Variants in PHACTR1 observed in about 807,000 individuals in gnomAD.
PHACTR1 encodes the protein RPEL repeat containing 1.
Under a neutral mutation model 69.2 loss-of-function variants are expected in PHACTR1, and 16 were observed. That is an observed-to-expected ratio of 0.23 (90% CI 0.16 to 0.35). PHACTR1 has a LOEUF of 0.35. Ranked by LOEUF, PHACTR1 falls within the 10% of genes least tolerant of loss-of-function variation. The pLI, the probability that PHACTR1 is intolerant of heterozygous loss-of-function variation, is 1.00. For missense variants in PHACTR1, 510 were observed against 734.7 expected, an observed-to-expected ratio of 0.69 and a Z score of 3.54; for synonymous variants, 312 against 284.5, an observed-to-expected ratio of 1.10 and a Z score of -0.97.
chr6:13,156,860 A>G (rs1025982931), intron 5 of PHACTR1, among the ~76,000 whole-genome samples: 9 of 152,024 alleles, frequency 5.9e-5, no homozygotes, highest in African/African-American at 1.9e-4. Flanking sequence ...TTGTGTCTAC[A>G]TTGCCACCTT....
At chr6:13,007,890 A>G (rs959285631) in intron 4 of PHACTR1, among the ~76,000 whole-genome samples, 6 of 152,166 alleles carry the variant, frequency 3.9e-5, no homozygotes, top group Admixed American at 3.9e-4. Context: ...TTCATAGAAT[A>G]ATTTTCACAG....
chr6:12,808,970 C>T lies in PHACTR1; in HGVS notation c.250+59180C>T, dbSNP rs539912207. On this transcript the variant is annotated intron_variant, in intron 4 of 14. Coordinates refer to ENST00000332995, the MANE Select transcript of PHACTR1 (RefSeq NM_030948.6). ...TTGGCTCACTGCAACCTTCACTTCC[C>T]GGGCTCAAGTGATCCTCCCACTTCA... Among the ~76,000 whole-genome samples the T allele has an allele frequency of 3.3e-5, 5 of 152,088 alleles. No individual in the cohort carries two copies. In the South Asian group the frequency reaches 6.2e-4, roughly 19 times the overall value.
chr6:12,949,773 A>G (rs1582652800), intron 4 of PHACTR1, among the ~76,000 whole-genome samples: 2 of 152,236 alleles, frequency 1.3e-5, no homozygotes, highest in East Asian at 1.9e-4. Context: ...GTGGTTTGAA[A>G]AAAAATCACG....
At chr6:12,957,274 A>T in intron 4 of PHACTR1, 2 of 795,466 alleles carry the variant, frequency 2.5e-6, no homozygotes, top group Non-Finnish European at 3.0e-6. Flanking sequence ...AAAAAAAAAA[A>T]AGCCCAGGCT....
intron 10 of PHACTR1, among the ~76,000 whole-genome samples, chr6:13,252,093 A>C (rs1165456914): frequency 1.3e-5 from 2 of 150,638 alleles, no homozygotes; most frequent in Admixed American, 1.3e-4. Context: ...AAAGGCCAGG[A>C]GGCACGGTGA....
chr6:12,831,665 C>T (rs943458633), intron 4 of PHACTR1, among the ~76,000 whole-genome samples: 1 of 152,132 alleles, frequency 6.6e-6, no homozygotes, highest in Non-Finnish European at 1.5e-5. Context: ...CCTTGACTGA[C>T]ACAACAAGAA....
intron 3 of PHACTR1, among the ~76,000 whole-genome samples, chr6:12,730,066 T>A (rs1763299382): frequency 6.6e-6 from 1 of 152,200 alleles, no homozygotes; most frequent in South Asian, 2.1e-4. Flanking sequence ...CAGCCAAGCC[T>A]AGATTATCAG....
chr6:12,872,932 T>G (rs1024292525), intron 4 of PHACTR1, among the ~76,000 whole-genome samples: 2 of 152,136 alleles, frequency 1.3e-5, no homozygotes, highest in African/African-American at 4.8e-5. Context: ...CTTCTTTCTT[T>G]CTTTTCTTTC....
chr6:12,858,236 A>G (rs1342405389), intron 4 of PHACTR1, among the ~76,000 whole-genome samples: 1 of 152,196 alleles, frequency 6.6e-6, no homozygotes, highest in Non-Finnish European at 1.5e-5. Flanking sequence ...CTTTATTGTT[A>G]GAGGCACAGA....
chr6:12,905,743 A>T lies in PHACTR1; in HGVS notation c.251-147622A>T, dbSNP rs533870663. On this transcript the variant is annotated intron_variant, in intron 4 of 14. Transcript: ENST00000332995. ...TATTTGCCAGTTTCATGTAACAACC[A>T]TAAATTCATATTGCTTTATATTTAA... Among the ~76,000 whole-genome samples, 6 of 152,336 alleles carry T rather than the reference A, an allele frequency of 3.9e-5. No individual in the cohort carries two copies. In the East Asian group the frequency reaches 1.2e-3, roughly 29 times the overall value.
intron 4 of PHACTR1, among the ~76,000 whole-genome samples, chr6:13,017,093 G>T (rs529196135): frequency 3.6e-4 from 55 of 150,874 alleles, no homozygotes; most frequent in African/African-American, 1.3e-3. Context: ...GGCTGAGGCA[G>T]GAGAATTGCT....
chr6:13,277,507 A>G (rs1238832666), intron 11 of PHACTR1, among the ~76,000 whole-genome samples: 1 of 152,128 alleles, frequency 6.6e-6, no homozygotes, highest in Non-Finnish European at 1.5e-5. Flanking sequence ...CTCTACACCC[A>G]CAGGGCACCA....
chr6:13,000,801 C>G (rs1798016943), intron 4 of PHACTR1, among the ~76,000 whole-genome samples: 1 of 152,210 alleles, frequency 6.6e-6, no homozygotes, highest in South Asian at 2.1e-4. Flanking sequence ...AGCAAGCTCT[C>G]ACTTCAATCT....
chr6:13,283,614 T>C lies in PHACTR1; in HGVS notation c.1650+52T>C. Reference sequence around the variant, plus strand: ...GGGAGGCAGGACCGTCTGCTGGGTCTCGCTGGGCTCACCGCTGGGGAGCGT... The same window carrying C: ...GGGAGGCAGGACCGTCTGCTGGGTCCCGCTGGGCTCACCGCTGGGGAGCGT... On this transcript the variant is annotated intron_variant, in intron 13 of 14. Coordinates refer to ENST00000332995, the MANE Select transcript of PHACTR1 (RefSeq NM_030948.6). This position sits in a 1 kb window ranked among gnomAD's most constrained non-coding sequence, Gnocchi z 4.7. The C allele has an allele frequency of 6.2e-7, 1 of 1,612,802 alleles. No homozygotes were observed. The highest frequency in any genetic ancestry group is 1.7e-5 in the Admixed American group (1 of 60,010).
At chr6:13,132,615 C>T (rs1044754946) in intron 5 of PHACTR1, among the ~76,000 whole-genome samples, 2 of 151,902 alleles carry the variant, frequency 1.3e-5, no homozygotes, top group African/African-American at 4.8e-5. Context: ...GCAAGTCACA[C>T]ACATGTTGGT....
intron 7 of PHACTR1, among the ~76,000 whole-genome samples, chr6:13,204,519 T>C (rs1284892801): frequency 6.6e-6 from 1 of 152,162 alleles, no homozygotes; most frequent in Non-Finnish European, 1.5e-5. Context: ...GGCAGCAGGC[T>C]ACATCTTCCC....
At chr6:13,244,666 G>A (rs1334788245) in intron 10 of PHACTR1, among the ~76,000 whole-genome samples, 7 of 152,178 alleles carry the variant, frequency 4.6e-5, no homozygotes, top group African/African-American at 2.4e-5. Flanking sequence ...TGTTCTGCCC[G>A]GCTCACCGGC....
At chr6:12,791,149 A>G (rs1772219995) in intron 4 of PHACTR1, among the ~76,000 whole-genome samples, 1 of 152,232 alleles carries the variant, frequency 6.6e-6, no homozygotes, top group Non-Finnish European at 1.5e-5. Flanking sequence ...CCAGAGATTT[A>G]TACAAAATGC....
At chr6:13,081,316 A>G (rs73368177) in intron 5 of PHACTR1, among the ~76,000 whole-genome samples, 1,524 of 152,292 alleles carry the variant, frequency 0.01, 17 homozygotes, top group African/African-American at 0.034. Context: ...GAGGCTCCTG[A>G]CAACCCTAAT....
Sources: allele counts gnomAD v4.1 joint callset (sites outside exome capture counted in the v4.1 genomes callset), GRCh38; gene constraint gnomAD v4.1.1; non-coding constraint Gnocchi (gnomAD v3.1); transcripts MANE v1.5; gene names NCBI Gene and HGNC (gene_info 2026-07-23, HGNC 2026-07-21).